CNTNAP3: variants seen among roughly 807,000 people sequenced by gnomAD.
The protein encoded by CNTNAP3 is contactin-associated protein-like 3.
A neutral mutation model predicts 92.1 loss-of-function variants in CNTNAP3; 36 were observed. The ratio of observed to expected loss-of-function variants is 0.39; its 90% CI spans 0.30 to 0.52. CNTNAP3 has a LOEUF of 0.52. CNTNAP3 is among the 20% of genes least tolerant of loss of function. The pLI, the probability that CNTNAP3 is intolerant of heterozygous loss-of-function variation, is 0.76. For synonymous variants in CNTNAP3, 232 were observed against 422.3 expected, an observed-to-expected ratio of 0.55 and a Z score of 5.53; for missense variants, 534 against 1,069.6, an observed-to-expected ratio of 0.50 and a Z score of 6.98.
rs775541206 is a variant in CNTNAP3 at position 39,248,524 on chromosome 9, A to AAT, written c.197-9340_197-9339dup. On this transcript the variant is annotated intron_variant, in intron 2 of 23. Transcript: ENST00000297668. ...ATCTACTATGAATAATGTTGCTATG[A>AAT]ATATATATATATATATATAAATTTT... Among the ~76,000 whole-genome samples the AAT allele has an allele frequency of 4.2e-3, 156 of 36,874 alleles. 2 individuals carry two copies. The highest frequency in any genetic ancestry group is 5.6e-3 in the Non-Finnish European group (99 of 17,536). The allele number at this position is 36,874 out of a possible 152,430, so 24.2% of individuals were successfully genotyped here. A position where few individuals can be genotyped will look rare whatever the true frequency, so the allele number is the denominator to read the frequency against.
intron 14 of CNTNAP3, among the ~76,000 whole-genome samples, chr9:39,111,073 A>C (rs1199311340): frequency 2.0e-5 from 3 of 152,188 alleles, no homozygotes; most frequent in African/African-American, 4.8e-5. Flanking sequence ...AGAGTTGTAC[A>C]TATACTGGGG....
chr9:39,082,343 T>C (rs954783467), intron 21 of CNTNAP3, among the ~76,000 whole-genome samples: 11 of 151,832 alleles, frequency 7.2e-5, no homozygotes, highest in African/African-American at 2.2e-4. Flanking sequence ...TCCTGGTTAA[T>C]GGACCAAGTT....
rs1301937619 is a variant in CNTNAP3, at chr9:39,124,352, CAG to C, written c.2081-6095_2081-6094del. 3.3e-5 allele frequency among the ~76,000 whole-genome samples: 5 copies of C among 152,054 alleles called. No homozygotes were observed. In the South Asian group the frequency reaches 6.2e-4, roughly 19 times the overall value. ...TGCTCAATTAAAACAAAAAATGTGA[CAG>C]GGGAATTCAGGAAAAAAAGAAGAAA... is the stretch of plus-strand genomic sequence containing the variant. On this transcript the variant is annotated intron_variant, in intron 13 of 23. Transcript: ENST00000297668.
intron 18 of CNTNAP3, among the ~76,000 whole-genome samples, chr9:39,099,611 A>G (rs181348188): frequency 6.6e-6 from 1 of 152,308 alleles, no homozygotes; most frequent in African/African-American, 2.4e-5. Flanking sequence ...TGTTAAAATT[A>G]GAACAGTACA....
intron 18 of CNTNAP3, among the ~76,000 whole-genome samples, chr9:39,098,403 A>T (rs1002488827): frequency 5.9e-5 from 9 of 151,992 alleles, no homozygotes; most frequent in African/African-American, 2.2e-4. Context: ...AAATATAAAG[A>T]ATTTACTGAA....
intron 16 of CNTNAP3, among the ~76,000 whole-genome samples, chr9:39,103,254 C>T (rs919551000): frequency 3.3e-5 from 5 of 152,276 alleles, no homozygotes; most frequent in Non-Finnish European, 4.4e-5. Flanking sequence ...TGGATTATTA[C>T]GTGCTTCATG....
intron 21 of CNTNAP3, among the ~76,000 whole-genome samples, chr9:39,083,519 C>T (rs1471385136): frequency 4.0e-5 from 6 of 151,846 alleles, no homozygotes; most frequent in Non-Finnish European, 5.9e-5. Flanking sequence ...ATTAGCCAGG[C>T]GTGGTGGTAC....
chr9:39,106,587 T>C (rs1826611672), intron 15 of CNTNAP3: 1 of 152,132 alleles, frequency 6.6e-6, no homozygotes, highest in Admixed American at 6.5e-5. Flanking sequence ...CTTTCTCTTC[T>C]CCATACTTTC....
chr9:39,087,039 C>A (rs1826076806), intron 19 of CNTNAP3, among the ~76,000 whole-genome samples, 190 bp from the exon 20 acceptor site: 1 of 151,996 alleles, frequency 6.6e-6, no homozygotes, highest in South Asian at 2.1e-4. Context: ...GTGCCAGACT[C>A]TGAGTCCAAT....
At chr9:39,140,998 T>C (rs543084520) in intron 11 of CNTNAP3, among the ~76,000 whole-genome samples, 3 of 152,332 alleles carry the variant, frequency 2.0e-5, no homozygotes, top group Admixed American at 1.3e-4. Flanking sequence ...CTATCTTCAA[T>C]AGACAATCTT....
chr9:39,143,796 C>T (rs1821633059), intron 11 of CNTNAP3, among the ~76,000 whole-genome samples: 3 of 152,154 alleles, frequency 2.0e-5, no homozygotes, highest in African/African-American at 7.2e-5. Flanking sequence ...ATTGCATCAT[C>T]CCAGTGATTG....
intron 13 of CNTNAP3, among the ~76,000 whole-genome samples, chr9:39,119,587 A>C (rs1486345083): frequency 6.6e-6 from 1 of 152,186 alleles, no homozygotes; most frequent in African/African-American, 2.4e-5. Context: ...TTTACACCTA[A>C]ATCTCCCATA....
chr9:39,119,952 A>G (rs1399243435), intron 13 of CNTNAP3, among the ~76,000 whole-genome samples: 1 of 152,224 alleles, frequency 6.6e-6, no homozygotes, highest in Admixed American at 6.5e-5. Context: ...ACTGAATATA[A>G]AAAGAACTGA....
chr9:39,127,280 A>T (rs947876253), intron 13 of CNTNAP3, among the ~76,000 whole-genome samples: 21 of 152,248 alleles, frequency 1.4e-4, no homozygotes, highest in African/African-American at 4.8e-4. Context: ...AAATGTAGGT[A>T]AAACTGTGTT....
chr9:39,114,320 C>T (rs530949991), intron 14 of CNTNAP3, among the ~76,000 whole-genome samples: 2,162 of 151,920 alleles, frequency 0.014, 50 homozygotes, highest in African/African-American at 0.048. Flanking sequence ...CTTCTGACCT[C>T]GTGATCTGCC....
chr9:39,092,502 G>A (rs1237981538), intron 18 of CNTNAP3, among the ~76,000 whole-genome samples: 4 of 134,860 alleles, frequency 3.0e-5, no homozygotes, highest in Non-Finnish European at 6.4e-5. Flanking sequence ...ATTTCGGAGT[G>A]TATAGTTTAA....
rs745358679 is a variant in CNTNAP3, at chr9:39,132,935, G to A, written c.2077C>T (p.Arg693Ter). Residue 693 changes from arginine to a stop codon, truncating the protein, a stop_gained, in exon 13 of 24, where the codon CGA becomes TGA. Coordinates refer to ENST00000297668, the MANE Select transcript of CNTNAP3 (RefSeq NM_033655.5). LOFTEE classifies it high-confidence loss of function. ...AGCCTCCAGGAGTGGCGCTTACCTC[G>A]TGAGTCCGGGCGCCGCGCCGTCCCG... Reference protein sequence around the residue: ...RCGTARRPDSRDGTPLSWWVG... With the variant: ...RCGTARRPDS 6 of 1,544,288 alleles carry A rather than the reference G, an allele frequency of 3.9e-6. No individual in the cohort carries two copies. Among genetic ancestry groups the A allele is most frequent in the East Asian group, 2.4e-5 (1 of 41,236 alleles).
rs148834827 is a variant in CNTNAP3 at position 39,099,963 on chromosome 9, C to A, written c.2943G>T (p.Gly981=). 1.2e-6 allele frequency: 2 copies of A among 1,608,488 alleles called. No homozygotes were observed. Among genetic ancestry groups the A allele is most frequent in the South Asian group, 1.1e-5 (1 of 90,360 alleles). ...NGGRCREKRR[G]VTCDCAFSAY... ...CTGAGAAGGCACAGTCACAGGTGAC[C>A]CCCCTGCGTTTCTCTCTGCATCTCC... The change falls in exon 18 of 24, where the codon GGG becomes GGT. Residue 981 remains glycine, a synonymous_variant. Transcript: ENST00000297668.
At chr9:39,142,442 G>T (rs1357655724) in intron 11 of CNTNAP3, among the ~76,000 whole-genome samples, 1 of 152,110 alleles carries the variant, frequency 6.6e-6, no homozygotes, top group East Asian at 1.9e-4. Context: ...GAAGTCCAAG[G>T]CAGGTGGATC....
Sources: gnomAD v4.1 joint callset for allele counts (sites outside exome capture counted in the v4.1 genomes callset) on GRCh38, gnomAD v4.1.1 for gene constraint, MANE v1.5 for transcripts, NCBI Gene and HGNC (gene_info 2026-07-23, HGNC 2026-07-21) for gene names.